RABL6: variants seen among roughly 807,000 people sequenced by gnomAD.
RABL6 encodes the protein RAB, member RAS oncogene family like 6.
RABL6 carries 28 observed loss-of-function variants against 72.9 expected under a neutral mutation model. The ratio of observed to expected loss-of-function variants is 0.38; its 90% confidence interval spans 0.28 to 0.53. The LOEUF (loss-of-function observed/expected upper bound fraction) is 0.53, where lower values mean the gene tolerates loss of function less well. Ranked by LOEUF, RABL6 falls within the 20% of genes least tolerant of loss-of-function variation. The pLI is 0.80. For missense variants in RABL6, 1,029 were observed against 1,008.4 expected (o/e 1.02, Z -0.28); for synonymous variants, 477 against 421.2 (o/e 1.13, Z -1.62).
intron 10 of RABL6, 59 bp downstream of exon 10, chr9:136,838,074 C>T (rs911060083): frequency 6.8e-5 from 104 of 1,539,216 alleles, no homozygotes; most frequent in Non-Finnish European, 9.0e-5. Context: ...GGTGCCCGAG[C>T]AGCAGGTGGG....
intron 4 of RABL6, among the ~76,000 whole-genome samples, chr9:136,829,191 A>G (rs993941518): frequency 3.9e-5 from 6 of 152,252 alleles, no homozygotes; most frequent in African/African-American, 1.4e-4. Context: ...TCAGGGAGCC[A>G]TCAGCGAGGC....
intron 1 of RABL6, among the ~76,000 whole-genome samples, chr9:136,811,564 G>A (rs1202355225): frequency 6.6e-6 from 1 of 151,158 alleles, no homozygotes; most frequent in East Asian, 1.9e-4. Flanking sequence ...GTTACAGTGA[G>A]CTGAGATTGT....
chr9:136,808,902 G>T (rs1847938280), intron 1 of RABL6: 1 of 152,200 alleles, frequency 6.6e-6, no homozygotes, highest in African/African-American at 2.4e-5. Context: ...GGCACGGGCT[G>T]ACTTGCGACT....
Position 136,839,837 on chromosome 9 carries a change from G to A in RABL6, c.1902G>A (p.Glu634=). 6.2e-7 allele frequency: 1 copy of A among 1,612,628 alleles called. No individual in the cohort carries two copies. The change falls in exon 13 of 15, where the codon GAG becomes GAA. Residue 634 remains glutamate, a synonymous_variant. Coordinates refer to ENST00000311502, the MANE Select transcript of RABL6 (RefSeq NM_024718.5). ...DSDLFGLGLE[E]AGPKESSEEG... Reference sequence around the variant, plus strand: ...ACCTCTTCGGGCTGGGGCTGGAGGAGGCCGGACCCAAGGAGAGCAGTGAGG... The same window carrying A: ...ACCTCTTCGGGCTGGGGCTGGAGGAAGCCGGACCCAAGGAGAGCAGTGAGG...
rs1294417608 is a variant in RABL6 at position 136,829,482 on chromosome 9, G to A, written c.456G>A (p.Gln152=). Residue 152 remains glutamine (Q), a splice_region_variant and synonymous_variant, in exon 5 of 15, where the codon CAG becomes CAA. Coordinates refer to ENST00000311502, the MANE Select transcript of RABL6 (RefSeq NM_024718.5). ...GVVMMFDITK[Q]WTFNYILREL... ...TCATGATGTTCGACATTACCAAGCA[G>A]TGGTAAGAGGGAGCTGGCGGGGGCA... 6.3e-7 allele frequency: 1 copy of A among 1,579,086 alleles called. No individual in the cohort carries two copies. Among genetic ancestry groups the A allele is most frequent in the East Asian group, 2.3e-5 (1 of 43,078 alleles).
chr9:136,840,368 A>AGGACAAGGAGGAGGG lies in RABL6; in HGVS notation c.2037_2051dup (p.Asp680_Gly684dup). The AGGACAAGGAGGAGGG allele has an allele frequency of 1.3e-6, 2 of 1,556,422 alleles. No homozygotes were observed. The highest frequency in any genetic ancestry group is 3.9e-5 in the Admixed American group (2 of 51,290). On this transcript the variant is annotated inframe_insertion, in exon 15 of 15. Transcript: ENST00000311502. ...AAGAAGAGCAAACACAAGAAGAGCA[A>AGGACAAGGAGGAGGG]GGACAAGGAGGAGGGCAAGGAGGAG...
At position 136,838,922 on chromosome 9, in the gene RABL6, C is replaced by T; in HGVS notation, c.1294C>T (p.Leu432=). The T allele has an allele frequency of 6.3e-7, 1 of 1,597,328 alleles. No homozygotes were observed. The highest frequency in any genetic ancestry group is 8.5e-7 in the Non-Finnish European group (1 of 1,171,618). ...QQDSDSDGEA[L]GGNPMVAGFQ... ...CCTGCTTTGCAGTGATGGGGAGGCCCTGGGCGGCAACCCGATGGTGGCAGG... is the reference window on the plus strand; with the variant it reads ...CCTGCTTTGCAGTGATGGGGAGGCCTTGGGCGGCAACCCGATGGTGGCAGG... The change falls in exon 11 of 15, where the codon CTG becomes TTG. Residue 432 remains leucine (L), a synonymous_variant. Transcript: ENST00000311502.
chr9:136,828,106 C>G, intron 3 of RABL6: 1 of 177,692 alleles, frequency 5.6e-6, no homozygotes, highest in Non-Finnish European at 1.2e-5. Flanking sequence ...GGAGGCCCCT[C>G]ACCTTCCCAC....
At chr9:136,836,197 T>G (rs893851472) in intron 8 of RABL6, 2 of 237,436 alleles carry the variant, frequency 8.4e-6, no homozygotes, top group Admixed American at 5.1e-5. Context: ...TCTGGGGAGC[T>G]GCTTGACTTT....
chr9:136,808,532 C>A, intron 1 of RABL6: 1 of 366,584 alleles, frequency 2.7e-6, no homozygotes, highest in Non-Finnish European at 4.4e-6. Flanking sequence ...GGCCCCCGAG[C>A]CGCGGGTCGT....
rs778407287 is a variant in RABL6 at position 136,823,586 on chromosome 9, G to A, written c.192G>A (p.Gln64=). The A allele has an allele frequency of 6.2e-6, 10 of 1,613,754 alleles. No individual in the cohort carries two copies. The highest frequency in any genetic ancestry group is 8.5e-7 in the Non-Finnish European group (1 of 1,179,862). ...TGKTALWHRL[Q]GRPFVEEYIP... is the part of the protein sequence containing the mutation. ...AGACAGCGCTGTGGCACCGCCTGCA[G>A]GGCCGGCCGTTCGTGGAGGAGTACA... is the stretch of plus-strand genomic sequence containing the variant. The change falls in exon 2 of 15, where the codon CAG becomes CAA. Residue 64 remains glutamine, a synonymous_variant. Coordinates refer to ENST00000311502, the MANE Select transcript of RABL6 (RefSeq NM_024718.5).
chr9:136,811,368 A>G (rs1442065745), intron 1 of RABL6, among the ~76,000 whole-genome samples: 1 of 152,130 alleles, frequency 6.6e-6, no homozygotes, highest in Non-Finnish European at 1.5e-5. Flanking sequence ...CTGTAATCTC[A>G]GCACATTGAG....
intron 3 of RABL6, 68 bp from the exon 4 acceptor site, chr9:136,828,425 GA>G: frequency 6.5e-7 from 1 of 1,532,102 alleles, no homozygotes; most frequent in Non-Finnish European, 9.0e-7. Flanking sequence ...GCCATGGGGG[GA>G]CCATGCTCCT....
rs576527422 is a variant in RABL6, at chr9:136,837,559, C to T, written c.1023C>T (p.Ala341=). 2 of 1,565,524 alleles carry T rather than the reference C, an allele frequency of 1.3e-6. No individual in the cohort carries two copies. Among genetic ancestry groups the T allele is most frequent in the South Asian group, 2.3e-5 (2 of 85,644 alleles). ...TGCCCCCTGTACCACCCTCAGAGGC[C>T]CTGCCCCCACCTGCGTGCCCCTCAG... ...SSVPPVPPSE[A]LPPPACPSAP... Residue 341 remains alanine, a synonymous_variant, in exon 9 of 15, where the codon GCC becomes GCT. Coordinates refer to ENST00000311502, the MANE Select transcript of RABL6 (RefSeq NM_024718.5).
chr9:136,812,215 G>C (rs1848026204), intron 1 of RABL6, among the ~76,000 whole-genome samples: 1 of 152,150 alleles, frequency 6.6e-6, no homozygotes, highest in African/African-American at 2.4e-5. Context: ...TGGCCCAGGA[G>C]CTCGGACAAC....
Position 136,840,151 on chromosome 9 carries a change from C to A in RABL6, c.1931-3C>A. On this transcript the variant is annotated splice_region_variant and splice_polypyrimidine_tract_variant and intron_variant, in intron 13 of 14. Transcript: ENST00000311502. ...TGAGCCACTGTCTGTCCTGTCTGTG[C>A]AGGTAAGGAGGGCAAAACCCCCTCT... 1.9e-6 allele frequency: 3 copies of A among 1,612,862 alleles called. No homozygotes were observed. Among genetic ancestry groups the A allele is most frequent in the Non-Finnish European group, 2.5e-6 (3 of 1,179,812 alleles).
At position 136,823,539 on chromosome 9, in the gene RABL6, C is replaced by G; in HGVS notation, c.145C>G (p.Arg49Gly). 6.2e-7 allele frequency: 1 copy of G among 1,613,714 alleles called. No homozygotes were observed. The highest frequency in any genetic ancestry group is 1.1e-5 in the South Asian group (1 of 91,082). ...GVQYNMKIVI[R>G]GDRNTGKTAL... ...CCCGTCCCCAGTGAAGATAGTGATC[C>G]GGGGAGACAGGAACACGGGCAAGAC... is the stretch of plus-strand genomic sequence containing the variant. Residue 49 changes from arginine to glycine, a missense_variant, in exon 2 of 15, where the codon CGG becomes GGG. Physicochemically the swap from Arg to Gly is moderately radical, Grantham distance 125. This residue lies in a region of RABL6 where 434 missense variants were observed against 536.1 expected (regional missense o/e 0.81). Coordinates refer to ENST00000311502, the MANE Select transcript of RABL6 (RefSeq NM_024718.5).
intron 8 of RABL6, 59 bp from the exon 9 acceptor site, chr9:136,837,287 C>T: frequency 6.6e-7 from 1 of 1,519,002 alleles, no homozygotes; most frequent in Non-Finnish European, 9.0e-7. Flanking sequence ...CCCCTGTCAC[C>T]TGAGGGCCTC....
rs756553824 is a variant in RABL6 at position 136,823,568 on chromosome 9, G to A, written c.174G>A (p.Ala58=). The A allele has an allele frequency of 2.7e-5, 43 of 1,613,746 alleles. No individual in the cohort carries two copies. The highest frequency in any genetic ancestry group is 1.9e-4 in the South Asian group (17 of 91,090). Residue 58 remains alanine, a synonymous_variant, in exon 2 of 15, where the codon GCG becomes GCA. Transcript: ENST00000311502. ...GAGACAGGAACACGGGCAAGACAGC[G>A]CTGTGGCACCGCCTGCAGGGCCGGC... ...IRGDRNTGKT[A]LWHRLQGRPF... is the part of the protein sequence containing the mutation.
Sources: allele counts gnomAD v4.1 joint callset (sites outside exome capture counted in the v4.1 genomes callset), GRCh38; gene constraint gnomAD v4.1.1; regional missense constraint gnomAD v4.1.1; transcripts MANE v1.5; gene names NCBI Gene and HGNC (gene_info 2026-07-23, HGNC 2026-07-21).